The following SLC36A1 variants were observed in gnomAD, a reference collection of about 807,000 sequenced individuals.
SLC36A1 encodes proton-coupled amino acid transporter 1.
In SLC36A1, 30 loss-of-function variants were observed where a neutral mutation model predicts 47.5. The observed-to-expected ratio is 0.63, with a 90% CI of 0.47 to 0.86. The LOEUF (loss-of-function observed/expected upper bound fraction) is 0.86, where lower values mean the gene tolerates loss of function less well. Among genes scored for constraint, SLC36A1 ranks in the 40% least tolerant of loss-of-function variants. SLC36A1 has a pLI of 0.00. For missense variants in SLC36A1, 517 were observed against 606.0 expected, an observed-to-expected ratio of 0.85 and a Z score of 1.54; for synonymous variants, 255 against 249.7, an observed-to-expected ratio of 1.02 and a Z score of -0.20.
chr5:151,554,362 C>A, the SLC36A1 span: 1 of 1,612,226 alleles, frequency 6.2e-7, no homozygotes, highest in Non-Finnish European at 8.5e-7. Context: ...GTCTGCTCAC[C>A]GTTAGGATGT....
the SLC36A1 span, among the ~76,000 whole-genome samples, chr5:151,408,157 C>T: frequency 2.6e-5 from 4 of 152,272 alleles, no homozygotes; most frequent in East Asian, 7.7e-4. Flanking sequence ...GTATTTTTCT[C>T]ATCAAGTCAG....
chr5:151,424,516 T>C, the SLC36A1 span, among the ~76,000 whole-genome samples: 2 of 152,186 alleles, frequency 1.3e-5, no homozygotes, highest in African/African-American at 4.8e-5. Flanking sequence ...TTGTCTGCTT[T>C]TTTTGTTTTG....
the SLC36A1 span, among the ~76,000 whole-genome samples, chr5:151,554,030 C>A: frequency 1.3e-5 from 2 of 152,200 alleles, no homozygotes; most frequent in Non-Finnish European, 2.9e-5. Flanking sequence ...AAAGGTTAAA[C>A]GACTTGTCCA....
chr5:151,546,926 A>T, the SLC36A1 span, among the ~76,000 whole-genome samples: 3 of 152,082 alleles, frequency 2.0e-5, no homozygotes, highest in Non-Finnish European at 4.4e-5. Context: ...GAACACCCAT[A>T]TCTCAAGGCT....
chr5:151,505,449 C>T, the SLC36A1 span: 1 of 1,269,002 alleles, frequency 7.9e-7, no homozygotes, highest in South Asian at 1.3e-5. Flanking sequence ...ACAGCCTGGG[C>T]TGAGGGCTTC....
the SLC36A1 span, among the ~76,000 whole-genome samples, chr5:151,374,784 G>A: frequency 0.47 from 71,946 of 151,944 alleles, 18,325 homozygotes; most frequent in African/African-American, 0.68. Flanking sequence ...CTGGTGTAAC[G>A]TGATATTTCA....
intron 2 of SLC36A1, among the ~76,000 whole-genome samples, chr5:151,460,435 A>T (rs144735210): frequency 6.6e-6 from 1 of 152,320 alleles, no homozygotes; most frequent in Non-Finnish European, 1.5e-5. Context: ...TTTCTTGGAA[A>T]TCGAACAAAT....
At chr5:151,500,785 G>C in the SLC36A1 span, among the ~76,000 whole-genome samples, 1 of 152,194 alleles carries the variant, frequency 6.6e-6, no homozygotes, top group Non-Finnish European at 1.5e-5. Flanking sequence ...TGGTAGTGAC[G>C]GTCACGATGG....
chr5:151,430,126 G>A, the SLC36A1 span, among the ~76,000 whole-genome samples: 7 of 151,518 alleles, frequency 4.6e-5, no homozygotes, highest in African/African-American at 1.2e-4. Flanking sequence ...CTCACCATCC[G>A]GGCAGCTAGT....
At chr5:151,494,870 TC>T (rs1760293219), downstream of SLC36A1, among the ~76,000 whole-genome samples, 1 of 152,180 alleles carries the variant, frequency 6.6e-6, no homozygotes, top group African/African-American at 2.4e-5. Context: ...AATCTGTGCT[TC>T]CCAGTGGCCA....
At chr5:151,537,906 C>A in the SLC36A1 span, 2 of 1,614,048 alleles carry the variant, frequency 1.2e-6, no homozygotes, top group South Asian at 2.2e-5. Context: ...AATGAAGTGT[C>A]CTGGAAATAC....
the SLC36A1 span, among the ~76,000 whole-genome samples, chr5:151,420,428 A>G: frequency 6.4e-4 from 97 of 152,170 alleles, no homozygotes; most frequent in Non-Finnish European, 1.2e-3. Context: ...CCTGACTCCC[A>G]TAACAGTGAT....
At chr5:151,376,637 A>T in the SLC36A1 span, among the ~76,000 whole-genome samples, 2 of 151,354 alleles carry the variant, frequency 1.3e-5, no homozygotes, top group South Asian at 2.1e-4. Flanking sequence ...TCATTTCAAA[A>T]ATTTTTTTTT....
At chr5:151,345,761 C>G in the SLC36A1 span, among the ~76,000 whole-genome samples, 2 of 152,164 alleles carry the variant, frequency 1.3e-5, no homozygotes, top group Non-Finnish European at 2.9e-5. Context: ...AAACATAGTG[C>G]GGTAAGTCAT....
rs758625230 is a variant in SLC36A1, at chr5:151,479,372, G to A, written c.1042G>A (p.Ala348Thr). 6 of 1,614,150 alleles carry A rather than the reference G, an allele frequency of 3.7e-6. No individual in the cohort carries two copies. Among genetic ancestry groups the A allele is most frequent in the South Asian group, 2.2e-5 (2 of 91,088 alleles). Reference protein sequence around the residue: ...LYSIGIFFTYALQFYVPAEII... With the variant: ...LYSIGIFFTYTLQFYVPAEII... ...CTCCATCGGGATCTTTTTCACCTAC[G>A]CACTCCAGTTCTACGTCCCGGCTGA... Residue 348 changes from alanine to threonine, a missense_variant, in exon 10 of 11, where the codon GCA (alanine) becomes ACA (threonine). Physicochemically the swap from Ala to Thr is moderately conservative, Grantham distance 58. Transcript: ENST00000243389.
At chr5:151,430,446 C>T in the SLC36A1 span, among the ~76,000 whole-genome samples, 6 of 151,816 alleles carry the variant, frequency 4.0e-5, no homozygotes, top group Non-Finnish European at 7.4e-5. Context: ...CCTCAGCCTC[C>T]TGAGTAGCTG....
the SLC36A1 span, among the ~76,000 whole-genome samples, chr5:151,364,205 A>G: frequency 6.6e-6 from 1 of 152,204 alleles, no homozygotes. Context: ...TTATGCACTC[A>G]TGACCTACCT....
chr5:151,460,273 C>G (rs756329012), intron 2 of SLC36A1, among the ~76,000 whole-genome samples: 3 of 135,794 alleles, frequency 2.2e-5, no homozygotes, highest in Non-Finnish European at 4.9e-5. Context: ...GTTTTTGCTC[C>G]TTTTTGATCT....
chr5:151,363,776 G>T, the SLC36A1 span, among the ~76,000 whole-genome samples: 1 of 152,250 alleles, frequency 6.6e-6, no homozygotes, highest in East Asian at 1.9e-4. Flanking sequence ...GGATCCCATG[G>T]TGTTATTCAA....
Sources: gnomAD v4.1 joint callset for allele counts (sites outside exome capture counted in the v4.1 genomes callset) on GRCh38, gnomAD v4.1.1 for gene constraint, MANE v1.5 for transcripts, NCBI Gene and HGNC (gene_info 2026-07-23, HGNC 2026-07-21) for gene names.